Variants in AUTS2 observed in about 807,000 individuals in gnomAD.
AUTS2 encodes autism susceptibility gene 2 protein.
AUTS2 carries 17 observed loss-of-function variants against 112.4 expected under a neutral mutation model. The observed-to-expected ratio is 0.15, with a 90% confidence interval of 0.10 to 0.23. The LOEUF (loss-of-function observed/expected upper bound fraction) is 0.23. AUTS2 is among the 10% of genes least tolerant of loss of function. The probability of loss-of-function intolerance (pLI) is 1.00; values close to 1 mark genes in which losing one functional copy is unlikely to be tolerated. For missense variants in AUTS2, 1,510 were observed against 1,701.6 expected, an observed-to-expected ratio of 0.89 and a Z score of 1.98; for synonymous variants, 751 against 702.7, an observed-to-expected ratio of 1.07 and a Z score of -1.09.
intron 2 of AUTS2, among the ~76,000 whole-genome samples, chr7:69,961,332 A>G (rs1045116964): frequency 6.6e-6 from 1 of 152,110 alleles, no homozygotes; most frequent in South Asian, 2.1e-4. Context: ...GTCTAAGGGG[A>G]AAGTGCTTCC....
At chr7:69,949,846 G>A (rs1796957791) in intron 2 of AUTS2, among the ~76,000 whole-genome samples, 1 of 152,094 alleles carries the variant, frequency 6.6e-6, no homozygotes, top group African/African-American at 2.4e-5. Context: ...TGTTTGTATT[G>A]CTGGCACATT....
At chr7:70,194,142 G>A (rs895306012) in intron 4 of AUTS2, among the ~76,000 whole-genome samples, 1 of 152,214 alleles carries the variant, frequency 6.6e-6, no homozygotes, top group African/African-American at 2.4e-5. Flanking sequence ...GGGTGCGGTG[G>A]CTCACGCCTG....
At chr7:70,486,831 CTGGTGGTGG>C (rs1203194951) in intron 5 of AUTS2, among the ~76,000 whole-genome samples, 2 of 149,172 alleles carry the variant, frequency 1.3e-5, no homozygotes, top group African/African-American at 5.0e-5. Flanking sequence ...GGTGGTGGTG[CTGGTGGTGG>C]TGGTGGTAGT....
At chr7:70,709,940 G>A (rs1408611423) in intron 6 of AUTS2, among the ~76,000 whole-genome samples, 1 of 152,098 alleles carries the variant, frequency 6.6e-6, no homozygotes, top group East Asian at 1.9e-4. Flanking sequence ...AGGTAAGAGG[G>A]GATTGAGCCC....
chr7:69,779,790 A>G (rs559394062), intron 1 of AUTS2, among the ~76,000 whole-genome samples: 1 of 151,454 alleles, frequency 6.6e-6, no homozygotes, highest in Non-Finnish European at 1.5e-5. Context: ...ATTAAAAAAA[A>G]ATATATATAT....
chr7:70,399,306 G>A (rs1794225403), intron 4 of AUTS2, among the ~76,000 whole-genome samples: 1 of 152,030 alleles, frequency 6.6e-6, no homozygotes, highest in Non-Finnish European at 1.5e-5. Context: ...TCCTTTTTTA[G>A]TGTGTGACTA....
chr7:70,489,773 T>G (rs1421114660), intron 5 of AUTS2, among the ~76,000 whole-genome samples: 1 of 152,164 alleles, frequency 6.6e-6, no homozygotes, highest in Non-Finnish European at 1.5e-5. Flanking sequence ...ATGATCGAAT[T>G]CTGACCCAAA....
chr7:70,161,656 T>C (rs1808082512), intron 4 of AUTS2, among the ~76,000 whole-genome samples: 1 of 151,406 alleles, frequency 6.6e-6, no homozygotes, highest in Non-Finnish European at 1.5e-5. Context: ...AAAGGTCTTA[T>C]CATTGGCATA....
chr7:69,873,070 T>C (rs1158857816), intron 1 of AUTS2, among the ~76,000 whole-genome samples: 1 of 151,980 alleles, frequency 6.6e-6, no homozygotes, highest in Non-Finnish European at 1.5e-5. Context: ...CTCGAACTCC[T>C]GACCTCAGCT....
intron 3 of AUTS2, among the ~76,000 whole-genome samples, chr7:70,124,706 G>A (rs975971059): frequency 1.3e-5 from 2 of 152,114 alleles, no homozygotes; most frequent in Admixed American, 1.3e-4. Context: ...GGGATTACAG[G>A]CATGTGCCAC....
At chr7:70,494,017 C>T (rs1302374984) in intron 5 of AUTS2, among the ~76,000 whole-genome samples, 1 of 152,136 alleles carries the variant, frequency 6.6e-6, no homozygotes, top group Non-Finnish European at 1.5e-5. Flanking sequence ...TTATGTTCAG[C>T]AATCCCTGAG....
chr7:70,364,252 A>G (rs1488095489), intron 4 of AUTS2, among the ~76,000 whole-genome samples: 1 of 152,096 alleles, frequency 6.6e-6, no homozygotes, highest in Admixed American at 6.5e-5. Context: ...GTAGGCAGTC[A>G]GTAAATAGAA....
chr7:69,732,656 T>C (rs577707741), intron 1 of AUTS2, among the ~76,000 whole-genome samples: 3 of 152,314 alleles, frequency 2.0e-5, no homozygotes, highest in East Asian at 3.9e-4. Flanking sequence ...ATGAGGTATC[T>C]GTTTCTCTCT....
intron 2 of AUTS2, among the ~76,000 whole-genome samples, chr7:70,011,990 C>G (rs1481703450): frequency 2.0e-5 from 3 of 152,096 alleles, no homozygotes; most frequent in African/African-American, 7.2e-5. Context: ...TGAGGTGGGA[C>G]AGGCCTAAAT....
At chr7:70,118,880 G>T (rs1232188513) in intron 3 of AUTS2, 1 of 151,962 alleles carries the variant, frequency 6.6e-6, no homozygotes, top group Non-Finnish European at 1.5e-5. Context: ...GATTTTCATT[G>T]TTCTCTAGTC....
At chr7:70,019,519 T>G (rs1008574598) in intron 2 of AUTS2, among the ~76,000 whole-genome samples, 2 of 152,112 alleles carry the variant, frequency 1.3e-5, no homozygotes, top group African/African-American at 4.8e-5. Context: ...GTAGGTCCAT[T>G]TAATTTGTTT....
chr7:70,637,773 A>G (rs1805604897), intron 5 of AUTS2, among the ~76,000 whole-genome samples: 1 of 152,132 alleles, frequency 6.6e-6, no homozygotes. Context: ...TAAATTTTGT[A>G]CTTTGAGCTT....
At chr7:70,011,201 G>A (rs1799788245) in intron 2 of AUTS2, among the ~76,000 whole-genome samples, 1 of 152,116 alleles carries the variant, frequency 6.6e-6, no homozygotes, top group South Asian at 2.1e-4. Flanking sequence ...CTTTTTTGCT[G>A]ATGAAAAAAT....
At chr7:69,796,943 G>T (rs1391917432) in intron 1 of AUTS2, among the ~76,000 whole-genome samples, 3 of 152,188 alleles carry the variant, frequency 2.0e-5, no homozygotes, top group African/African-American at 7.2e-5. Flanking sequence ...CTTGGGTTCA[G>T]TTTGCACCAG....
Sources: gnomAD v4.1 joint callset for allele counts (sites outside exome capture counted in the v4.1 genomes callset) on GRCh38, gnomAD v4.1.1 for gene constraint, MANE v1.5 for transcripts, NCBI Gene and HGNC (gene_info 2026-07-23, HGNC 2026-07-21) for gene names.